PHKA1: variants seen among roughly 807,000 people sequenced by gnomAD.
PHKA1 encodes the protein phosphorylase b kinase regulatory subunit alpha, skeletal muscle isoform.
PHKA1 carries 60 observed loss-of-function variants against 110.2 expected under a neutral mutation model. That is an observed-to-expected ratio of 0.54 (90% CI 0.44 to 0.68). The LOEUF (loss-of-function observed/expected upper bound fraction) is 0.68. Among genes scored for constraint, PHKA1 ranks in the 30% least tolerant of loss-of-function variants. The pLI is 0.00. For missense variants in PHKA1, 801 were observed against 942.5 expected (o/e 0.85, Z 1.97); for synonymous variants, 316 against 333.6 (o/e 0.95, Z 0.58).
In PHKA1 at chrX:72,671,075, G is replaced by T. The variant is rs781841406; in HGVS notation, c.619-3602C>A. ...ACTCCTATTCAACATAGTGTTGGAA[G>T]TTCTGGCCAGGGCAATCAGGCAGGA... On this transcript the variant is annotated intron_variant, in intron 6 of 31. Transcript: ENST00000373542. 4.5e-5 allele frequency among the ~76,000 whole-genome samples: 5 copies of T among 111,316 alleles called. No homozygotes were observed. The East Asian group carries it at 1.1e-3, about 25-fold the overall frequency.
In PHKA1 at chrX:72,657,661, A is replaced by C. The variant is rs782583446; in HGVS notation, c.865-20T>G. The stretch of plus-strand genomic sequence containing the variant: ...ACGACCCTGGGAATACAAAGAAAAA[A>C]GGTCAGCAGCTTGTACACTGGTACG... On this transcript the variant is annotated intron_variant, in intron 8 of 31. Transcript: ENST00000373542. 8.4e-7 allele frequency: 1 copy of C among 1,186,131 alleles called. No homozygotes were observed. The highest frequency in any genetic ancestry group is 3.0e-5 in the East Asian group (1 of 33,748).
chrX:72,695,357 A>G (rs1191697975), intron 4 of PHKA1, among the ~76,000 whole-genome samples: 2 of 112,082 alleles, frequency 1.8e-5, no homozygotes, highest in African/African-American at 3.2e-5. Context: ...TATAGTATTC[A>G]ATAATTAAAA....
Position 72,623,130 on chromosome X carries a change from C to G in PHKA1, c.1939G>C (p.Asp647His). Reference sequence around the variant, plus strand: ...TTACCATGACTGGTTGAATCATAATCATTCATCCAGTTGCCAGATTCCAGG... The same window carrying G: ...TTACCATGACTGGTTGAATCATAATGATTCATCCAGTTGCCAGATTCCAGG... ...DYLESGNWMN[D>H]YDSTSHARCG... Residue 647 changes from aspartate to histidine, a missense_variant, in exon 18 of 32, where the codon GAT becomes CAT. Transcript: ENST00000373542. 8.3e-7 allele frequency: 1 copy of G among 1,210,983 alleles called. No individual in the cohort carries two copies.
Position 72,636,277 on chromosome X carries a change from C to T in PHKA1, c.1569G>A (p.Gln523=). Residue 523 remains glutamine, a splice_region_variant and synonymous_variant, in exon 15 of 32, where the codon CAG becomes CAA. Coordinates refer to ENST00000373542, the MANE Select transcript of PHKA1 (RefSeq NM_002637.4). ...GCACATTCCAGTTTATTTCACCCAC[C>T]TGTGGAGTGAAAGTAAAGATAGTTT... ...IRKTIFTFTP[Q]FIDQQQFYLA... is the part of the protein sequence containing the mutation. The T allele has an allele frequency of 9.0e-7, 1 of 1,113,925 alleles. No homozygotes were observed. The highest frequency in any genetic ancestry group is 1.2e-6 in the Non-Finnish European group (1 of 806,460). The allele number at this position is 1,113,925 out of a possible 1,213,427, so 91.8% of individuals were successfully genotyped here. A position where few individuals can be genotyped will look rare whatever the true frequency, so the allele number is the denominator to read the frequency against.
At chrX:72,654,203 C>T (rs1305603156) in intron 10 of PHKA1, among the ~76,000 whole-genome samples, 1 of 111,984 alleles carries the variant, frequency 8.9e-6, no homozygotes, top group African/African-American at 3.2e-5. Context: ...AGAATGTACT[C>T]AGCTGAACTG....
At chrX:72,687,026 A>G (rs2053974646) in intron 4 of PHKA1, among the ~76,000 whole-genome samples, 1 of 112,150 alleles carries the variant, frequency 8.9e-6, no homozygotes, top group African/African-American at 3.2e-5. Context: ...TGGATAAGAA[A>G]TAGAAGCCCC....
chrX:72,656,258 TAA>T lies in PHKA1; in HGVS notation c.919-18_919-17del. The T allele has an allele frequency of 8.3e-7, 1 of 1,205,407 alleles. No individual in the cohort carries two copies. The highest frequency in any genetic ancestry group is 1.1e-6 in the Non-Finnish European group (1 of 890,099). On this transcript the variant is annotated splice_polypyrimidine_tract_variant and intron_variant, in intron 9 of 31. Coordinates refer to ENST00000373542, the MANE Select transcript of PHKA1 (RefSeq NM_002637.4). ...GATTGGGATCCTAGTAAAAACACAATAAAGTCTGTCATCACTCAGAGGTTAGA... is the reference window on the plus strand; with the variant it reads ...GATTGGGATCCTAGTAAAAACACAATAGTCTGTCATCACTCAGAGGTTAGA...
intron 6 of PHKA1, among the ~76,000 whole-genome samples, chrX:72,675,461 C>G (rs950582779): frequency 5.4e-5 from 6 of 110,847 alleles, no homozygotes; most frequent in Non-Finnish European, 9.4e-5. Flanking sequence ...ATTGGATTTC[C>G]TTTTATTTTT....
chrX:72,661,234 G>A (rs2053555472), intron 8 of PHKA1, among the ~76,000 whole-genome samples: 1 of 111,989 alleles, frequency 8.9e-6, no homozygotes, highest in Non-Finnish European at 1.9e-5. Context: ...TAAATGTCAT[G>A]CTGTTGTTTA....
intron 29 of PHKA1, among the ~76,000 whole-genome samples, chrX:72,588,640 C>T (rs568332788): frequency 7.2e-4 from 80 of 111,341 alleles, no homozygotes; most frequent in South Asian, 6.8e-3. Context: ...AATCCAGGAG[C>T]TGGTTTTTTG....
At chrX:72,671,066 G>A (rs1400859606) in intron 6 of PHKA1, among the ~76,000 whole-genome samples, 8 of 110,754 alleles carry the variant, frequency 7.2e-5, no homozygotes, top group African/African-American at 2.3e-4. Context: ...ATTCAACATA[G>A]TGTTGGAAGT....
chrX:72,593,368 G>A (rs782039008), intron 28 of PHKA1, 94 bp from the exon 29 acceptor site: 460 of 648,864 alleles, frequency 7.1e-4, no homozygotes, highest in Non-Finnish European at 9.8e-4. Context: ...ATGGAGTCTC[G>A]CTCTGTCGCC....
chrX:72,619,425 A>G, intron 19 of PHKA1, 120 bp from the exon 20 acceptor site: 2 of 484,649 alleles, frequency 4.1e-6, no homozygotes, highest in Non-Finnish European at 7.4e-6. Flanking sequence ...AGAATGACAA[A>G]TTTCTCCTTT....
At chrX:72,629,851 G>A (rs1247539189) in intron 16 of PHKA1, among the ~76,000 whole-genome samples, 1 of 111,348 alleles carries the variant, frequency 9.0e-6, no homozygotes, top group Non-Finnish European at 1.9e-5. Flanking sequence ...ATACAAACAT[G>A]ATGCATATAT....
rs782036365 is a variant in PHKA1 at position 72,603,088 on chromosome X, A to G, written c.2917+31T>C. The G allele has an allele frequency of 4.2e-6, 4 of 955,055 alleles. No homozygotes were observed. In the African/African-American group the frequency reaches 5.7e-5, roughly 14 times the overall value. 78.7% of individuals were successfully genotyped at this position (955,055 alleles called of 1,213,427 possible). On this transcript the variant is annotated intron_variant, in intron 26 of 31. Transcript: ENST00000373542. ...CAATGAGACACTTAAACCAAACAGT[A>G]TGAAATGAAAATGCAGTTATTCAAT...
chrX:72,706,297 T>A (rs1233784604), intron 2 of PHKA1, among the ~76,000 whole-genome samples: 1 of 111,833 alleles, frequency 8.9e-6, no homozygotes, highest in African/African-American at 3.2e-5. Flanking sequence ...AGAAGAAATT[T>A]TAAAAAGAGA....
At chrX:72,664,139 T>A (rs1228876819) in intron 8 of PHKA1, among the ~76,000 whole-genome samples, 3 of 111,262 alleles carry the variant, frequency 2.7e-5, no homozygotes, top group Non-Finnish European at 5.7e-5. Context: ...AATTTAGATG[T>A]AGATTGGCTG....
intron 26 of PHKA1, 61 bp from the exon 27 acceptor site, chrX:72,602,334 A>T: frequency 1.4e-6 from 1 of 700,256 alleles, no homozygotes. Context: ...TTTCTTCCCC[A>T]TCACATTTAA....
At chrX:72,608,002 C>T (rs188176941) in intron 23 of PHKA1, among the ~76,000 whole-genome samples, 14 of 111,061 alleles carry the variant, frequency 1.3e-4, no homozygotes, top group Non-Finnish European at 1.9e-5. Flanking sequence ...GTCCCCTTTA[C>T]TCTTCCCTCT....
Sources: allele counts gnomAD v4.1 joint callset (sites outside exome capture counted in the v4.1 genomes callset), GRCh38; gene constraint gnomAD v4.1.1; transcripts MANE v1.5; gene names NCBI Gene and HGNC (gene_info 2026-07-23, HGNC 2026-07-21).